TRAP1: variants seen among roughly 807,000 people sequenced by gnomAD.
TRAP1 encodes TNF receptor associated protein 1.
In TRAP1, 102 loss-of-function variants were observed where a neutral mutation model predicts 89.1. The ratio of observed to expected loss-of-function variants is 1.15; its 90% CI spans 0.98 to 1.35. TRAP1 has a LOEUF of 1.35. TRAP1 is among the 40% of genes most tolerant of loss of function. TRAP1 has a pLI of 0.00. For synonymous variants in TRAP1, 508 were observed against 388.0 expected, an observed-to-expected ratio of 1.31 and a Z score of -3.64; for missense variants, 1,256 against 945.3, an observed-to-expected ratio of 1.33 and a Z score of -4.31.
At chr16:3,665,015 G>A (rs1377679360) in intron 12 of TRAP1, 1 of 154,084 alleles carries the variant, frequency 6.5e-6, no homozygotes, top group African/African-American at 2.4e-5. Context: ...GGGGAAAACA[G>A]AAAGAGGGAA....
intron 2 of TRAP1, among the ~76,000 whole-genome samples, chr16:3,690,587 G>T (rs373893492): frequency 6.6e-6 from 1 of 152,176 alleles, no homozygotes; most frequent in South Asian, 2.1e-4. Flanking sequence ...ACCACTCAGG[G>T]GAGGTGCCGG....
At chr16:3,677,328 C>A (rs370171493) in intron 6 of TRAP1, among the ~76,000 whole-genome samples, 170 bp downstream of exon 6, 21 of 152,266 alleles carry the variant, frequency 1.4e-4, no homozygotes, top group African/African-American at 4.3e-4. Context: ...GTGCCATAGG[C>A]CACCTGGAGC....
intron 11 of TRAP1, among the ~76,000 whole-genome samples, chr16:3,669,818 C>A (rs1399719998): frequency 8.3e-6 from 1 of 120,272 alleles, no homozygotes; most frequent in Non-Finnish European, 1.6e-5. Context: ...GGGCAACAGA[C>A]CAAGACTCCG....
intron 8 of TRAP1, chr16:3,674,774 G>T (rs1596713247): frequency 4.0e-6 from 2 of 494,728 alleles, no homozygotes; most frequent in South Asian, 4.4e-5. Context: ...ACGCTGCCCA[G>T]CAGGGGCGAG....
At chr16:3,679,344 T>C (rs1312956276) in intron 5 of TRAP1, among the ~76,000 whole-genome samples, 1 of 152,092 alleles carries the variant, frequency 6.6e-6, no homozygotes, top group East Asian at 1.9e-4. Context: ...TGATAAAAAG[T>C]AGTATAAAAA....
intron 8 of TRAP1, 69 bp downstream of exon 8, chr16:3,675,255 C>G: frequency 6.6e-7 from 1 of 1,517,372 alleles, no homozygotes; most frequent in Non-Finnish European, 9.1e-7. Context: ...CTCATCTCTT[C>G]TCCGCTGCCC....
chr16:3,671,211 C>T (rs1268448595), intron 11 of TRAP1, among the ~76,000 whole-genome samples: 1 of 152,190 alleles, frequency 6.6e-6, no homozygotes, highest in African/African-American at 2.4e-5. Flanking sequence ...CACCCTAAAC[C>T]ATCAACAGCA....
chr16:3,688,572 T>G (rs2051168843), intron 3 of TRAP1, among the ~76,000 whole-genome samples: 1 of 152,124 alleles, frequency 6.6e-6, no homozygotes, highest in African/African-American at 2.4e-5. Flanking sequence ...CCCCAAAGTC[T>G]GCCAGGCTCA....
chr16:3,663,281 A>G (rs1004377448), intron 14 of TRAP1, 143 bp downstream of exon 14: 2 of 1,080,024 alleles, frequency 1.9e-6, no homozygotes, highest in Admixed American at 5.3e-5. Flanking sequence ...TCCAGTCACC[A>G]GGGTGCTCCC....
Position 3,658,498 on chromosome 16 carries a change from A to T in TRAP1, c.2014-268T>A, listed in dbSNP as rs1177958655. On this transcript the variant is annotated intron_variant, in intron 17 of 17. Transcript: ENST00000246957. ...GGAGATTGAGACCATCCTGGCCAAG[A>T]TGGTGAAAACCCCATCTCTACTAAA... is the stretch of plus-strand genomic sequence containing the variant. 1.4e-5 allele frequency: 8 copies of T among 571,542 alleles called. No individual in the cohort carries two copies. In the East Asian group the frequency reaches 2.4e-4, roughly 17 times the overall value. The allele number at this position is 571,542 out of a possible 1,614,324, so 35.4% of individuals were successfully genotyped here.
chr16:3,665,632 G>A (rs1391283123), intron 12 of TRAP1, among the ~76,000 whole-genome samples: 1 of 152,158 alleles, frequency 6.6e-6, no homozygotes, highest in Non-Finnish European at 1.5e-5. Context: ...TCCTTGGCTT[G>A]TCCCACCTGT....
intron 1 of TRAP1, among the ~76,000 whole-genome samples, chr16:3,705,856 T>C (rs772550524): frequency 6.6e-6 from 1 of 151,468 alleles, no homozygotes; most frequent in African/African-American, 2.4e-5. Context: ...ATTTTATATA[T>C]ATATATATTT....
intron 16 of TRAP1, 22 bp from the exon 17 acceptor site, chr16:3,658,887 A>G: frequency 2.5e-6 from 4 of 1,613,608 alleles, no homozygotes; most frequent in Non-Finnish European, 3.4e-6. Flanking sequence ...AACCCACCAG[A>G]AAAAGCAGCT....
chr16:3,716,575 G>C (rs1201969374), intron 1 of TRAP1, among the ~76,000 whole-genome samples: 1 of 152,210 alleles, frequency 6.6e-6, no homozygotes, highest in Admixed American at 6.5e-5. Context: ...TGCTGGGAGC[G>C]TTAAAATTTT....
chr16:3,679,634 A>C, intron 5 of TRAP1, 85 bp downstream of exon 5: 3 of 1,384,820 alleles, frequency 2.2e-6, no homozygotes, highest in Non-Finnish European at 3.1e-6. Flanking sequence ...GTTCTTACTT[A>C]ATCTGGCACC....
intron 5 of TRAP1, 60 bp from the exon 6 acceptor site, chr16:3,677,718 C>A: frequency 6.4e-7 from 1 of 1,565,706 alleles, no homozygotes. Context: ...ACACTCCCAA[C>A]ACCGTGGCTC....
chr16:3,703,234 C>A (rs1317677627), intron 1 of TRAP1, among the ~76,000 whole-genome samples: 2 of 151,178 alleles, frequency 1.3e-5, no homozygotes, highest in Non-Finnish European at 2.9e-5. Context: ...TTGGCAAGAT[C>A]TTTTAAGAAA....
chr16:3,688,948 C>T (rs1267108902), intron 3 of TRAP1, 107 bp downstream of exon 3: 1 of 1,037,944 alleles, frequency 9.6e-7, no homozygotes, highest in East Asian at 2.5e-5. Flanking sequence ...AAGTTTAATG[C>T]TTTCTCACAG....
chr16:3,680,808 C>T (rs1313371718), intron 4 of TRAP1, among the ~76,000 whole-genome samples: 1 of 152,198 alleles, frequency 6.6e-6, no homozygotes, highest in African/African-American at 2.4e-5. Context: ...GGGAGCTTGC[C>T]TGCCCCTTCC....
Sources: allele counts gnomAD v4.1 joint callset (sites outside exome capture counted in the v4.1 genomes callset), GRCh38; gene constraint gnomAD v4.1.1; transcripts MANE v1.5; gene names NCBI Gene and HGNC (gene_info 2026-07-23, HGNC 2026-07-21).